PLPP1: variants seen among roughly 807,000 people sequenced by gnomAD.
PLPP1 encodes lipid phosphate phosphohydrolase 1a.
Under a neutral mutation model 31.2 loss-of-function variants are expected in PLPP1, and 24 were observed. That is an observed-to-expected ratio of 0.77 (90% CI 0.56 to 1.08). PLPP1 has a LOEUF of 1.08. Ranked by LOEUF, PLPP1 falls within the 50% of genes least tolerant of loss-of-function variation. PLPP1 has a pLI of 0.00. For missense variants in PLPP1, 319 were observed against 342.7 expected (o/e 0.93, Z 0.55); for synonymous variants, 146 against 126.3 (o/e 1.16, Z -1.05).
chr5:55,475,112 TAC>T (rs966132261), intron 2 of PLPP1, among the ~76,000 whole-genome samples, 185 bp downstream of exon 2: 2 of 152,296 alleles, frequency 1.3e-5, no homozygotes, highest in East Asian at 3.9e-4. Context: ...CTCTTACAAT[TAC>T]ACATTGTTAT....
chr5:55,441,042 AAT>A (rs201326611), intron 4 of PLPP1, among the ~76,000 whole-genome samples: 1,559 of 152,310 alleles, frequency 0.01, 105 homozygotes, highest in Admixed American at 0.086. Context: ...AATACACCCA[AAT>A]ATATAGTGTT....
At chr5:55,444,741 TTTTG>T (rs1369073913) in intron 3 of PLPP1, among the ~76,000 whole-genome samples, 231 of 6,968 alleles carry the variant, frequency 0.033, 4 homozygotes, top group Non-Finnish European at 0.12. Flanking sequence ...TGGGATTCTA[TTTTG>T]TGTGTGTGTG....
At chr5:55,453,992 A>G (rs1310495176) in intron 3 of PLPP1, among the ~76,000 whole-genome samples, 1 of 152,134 alleles carries the variant, frequency 6.6e-6, no homozygotes, top group Non-Finnish European at 1.5e-5. Context: ...AAACGTAAGC[A>G]GCACAATAAC....
Position 55,441,853 on chromosome 5 carries a change from C to A in PLPP1, c.547G>T (p.Ala183Ser), listed in dbSNP as rs1751628103. 3 of 1,613,098 alleles carry A rather than the reference C, an allele frequency of 1.9e-6. No homozygotes were observed. Among genetic ancestry groups the A allele is most frequent in the Admixed American group, 1.7e-5 (1 of 60,002 alleles). Residue 183 changes from alanine to serine, a missense_variant and splice_region_variant, in exon 4 of 6, where the codon GCA becomes TCA. Transcript: ENST00000307259. ...SFSMYCMLFVALYLQARMKGD... is the reference protein window; with the variant it reads ...SFSMYCMLFVSLYLQARMKGD... ...GTCAACAGACACAAAGTACTTACTGCCACAAACAGCATGCAGTACATGGAA... is the reference window on the plus strand; with the variant it reads ...GTCAACAGACACAAAGTACTTACTGACACAAACAGCATGCAGTACATGGAA...
intron 1 of PLPP1, among the ~76,000 whole-genome samples, chr5:55,506,795 C>T (rs1271263298): frequency 5.9e-5 from 9 of 152,090 alleles, no homozygotes; most frequent in Admixed American, 5.9e-4. Context: ...GTGAAGTTTG[C>T]TTCCATGAAC....
At chr5:55,462,780 T>C (rs1332193751) in intron 3 of PLPP1, among the ~76,000 whole-genome samples, 1 of 152,078 alleles carries the variant, frequency 6.6e-6, no homozygotes, top group African/African-American at 2.4e-5. Context: ...AAGACCATCC[T>C]GGCTAAGACG....
At chr5:55,442,132 G>A (rs1284080269) in intron 3 of PLPP1, among the ~76,000 whole-genome samples, 7 of 152,110 alleles carry the variant, frequency 4.6e-5, no homozygotes, top group Non-Finnish European at 1.0e-4. Flanking sequence ...GAAACCTTCA[G>A]GATGGGTAAT....
chr5:55,492,580 C>T (rs1051384183), intron 1 of PLPP1, among the ~76,000 whole-genome samples: 3 of 152,032 alleles, frequency 2.0e-5, no homozygotes, highest in African/African-American at 7.2e-5. Context: ...TAGGGAGGAG[C>T]ACAGGGAGAC....
intron 1 of PLPP1, among the ~76,000 whole-genome samples, chr5:55,494,640 C>T (rs760477418): frequency 6.6e-6 from 1 of 152,112 alleles, no homozygotes; most frequent in Non-Finnish European, 1.5e-5. Flanking sequence ...CCTTCTACTG[C>T]GGATAGTTGC....
chr5:55,530,343 A>C, intron 1 of PLPP1: 1 of 1,402,318 alleles, frequency 7.1e-7, no homozygotes. Context: ...CACAGGAACT[A>C]TCTGAAATAA....
chr5:55,523,016 C>A (rs1242690306), intron 1 of PLPP1, among the ~76,000 whole-genome samples: 3 of 152,210 alleles, frequency 2.0e-5, no homozygotes, highest in Non-Finnish European at 4.4e-5. Flanking sequence ...CCACGCCAGG[C>A]CCAATAATGA....
chr5:55,424,965 GTA>G lies in PLPP1; in HGVS notation c.*239_*240del, dbSNP rs1340171458. 3.1e-6 allele frequency: 2 copies of G among 640,938 alleles called. No individual in the cohort carries two copies. Among genetic ancestry groups the G allele is most frequent in the Non-Finnish European group, 5.2e-6 (2 of 381,096 alleles). The allele number at this position is 640,938 out of a possible 1,614,324, so 39.7% of individuals were successfully genotyped here. On this transcript the variant is annotated 3_prime_UTR_variant, in exon 6 of 6. Transcript: ENST00000307259. ...AGCATTACATTTTTTTAATAAAAATGTATACAGGTGGGGCACTGTTTTGGTGG... is the reference window on the plus strand; with the variant it reads ...AGCATTACATTTTTTTAATAAAAATGTACAGGTGGGGCACTGTTTTGGTGG...
At chr5:55,433,143 A>C (rs1751401038) in intron 4 of PLPP1, among the ~76,000 whole-genome samples, 1 of 26,424 alleles carries the variant, frequency 3.8e-5, no homozygotes, top group Non-Finnish European at 1.0e-4. Flanking sequence ...CCCCATCTCT[A>C]CAAAAAAAAA....
intron 4 of PLPP1, among the ~76,000 whole-genome samples, chr5:55,426,722 G>T (rs750099657): frequency 6.6e-6 from 1 of 152,122 alleles, no homozygotes; most frequent in Non-Finnish European, 1.5e-5. Flanking sequence ...ATCGTGGTTA[G>T]TTCTGAGTCT....
chr5:55,459,244 G>A (rs537076952), intron 3 of PLPP1, among the ~76,000 whole-genome samples: 4 of 147,976 alleles, frequency 2.7e-5, no homozygotes, highest in African/African-American at 7.5e-5. Flanking sequence ...AAAAAAAAAC[G>A]ACACTTGTAA....
chr5:55,485,752 T>G (rs7702723), intron 1 of PLPP1, among the ~76,000 whole-genome samples: 128,579 of 152,104 alleles, frequency 0.85, 54,707 homozygotes, highest in South Asian at 0.92. Context: ...AAAGAACGAT[T>G]ACTATTCTTC....
At chr5:55,451,673 T>C (rs551836558) in intron 3 of PLPP1, among the ~76,000 whole-genome samples, 43 of 152,230 alleles carry the variant, frequency 2.8e-4, no homozygotes, top group African/African-American at 1.0e-3. Flanking sequence ...GCAGTTCTCC[T>C]GCCTCAGCCT....
chr5:55,463,478 A>AT (rs1162275946), intron 3 of PLPP1, among the ~76,000 whole-genome samples: 1 of 152,108 alleles, frequency 6.6e-6, no homozygotes, highest in Non-Finnish European at 1.5e-5. Flanking sequence ...CCTGGCCAAC[A>AT]TGGTGAAACT....
At chr5:55,521,111 G>T (rs1280978227) in intron 1 of PLPP1, among the ~76,000 whole-genome samples, 1 of 152,082 alleles carries the variant, frequency 6.6e-6, no homozygotes, top group Non-Finnish European at 1.5e-5. Context: ...TCAGCATTCT[G>T]GGAGGCTGAG....
Sources: allele counts gnomAD v4.1 joint callset (sites outside exome capture counted in the v4.1 genomes callset), GRCh38; gene constraint gnomAD v4.1.1; transcripts MANE v1.5; gene names NCBI Gene and HGNC (gene_info 2026-07-23, HGNC 2026-07-21).